The following OGFOD3 variants were observed in gnomAD, a reference collection of about 807,000 sequenced individuals.
OGFOD3 encodes the protein 2-oxoglutarate and iron-dependent oxygenase domain-containing protein 3.
In OGFOD3, 35 loss-of-function variants were observed where a neutral mutation model predicts 39.8. The ratio of observed to expected loss-of-function variants is 0.88; its 90% confidence interval spans 0.67 to 1.17. OGFOD3 has a LOEUF of 1.17. Among genes scored for constraint, OGFOD3 ranks in the 50% most tolerant of loss-of-function variants. OGFOD3 has a pLI of 0.00. For synonymous variants in OGFOD3, 200 were observed against 192.0 expected (o/e 1.04, Z -0.34); for missense variants, 438 against 454.5 (o/e 0.96, Z 0.33).
At chr17:82,397,194 TAA>T (rs1262450111) in intron 8 of OGFOD3, among the ~76,000 whole-genome samples, 3 of 151,758 alleles carry the variant, frequency 2.0e-5, no homozygotes, top group Non-Finnish European at 4.4e-5. Context: ...CTGGAGATCT[TAA>T]AAGAGATGAA....
intron 2 of OGFOD3, chr17:82,411,748 A>C (rs1160012935): frequency 1.8e-6 from 1 of 546,732 alleles, no homozygotes; most frequent in African/African-American, 1.9e-5. Context: ...CTGGAAATTT[A>C]ATCCAGAGGC....
At position 82,392,755 on chromosome 17, in the gene OGFOD3, C is replaced by CG; in HGVS notation, c.824-222dup. 1.7e-6 allele frequency: 1 copy of CG among 591,944 alleles called. No homozygotes were observed. The highest frequency in any genetic ancestry group is 2.2e-5 in the South Asian group (1 of 46,472). The allele number at this position is 591,944 out of a possible 1,614,324, so 36.7% of individuals were successfully genotyped here. ...GCCCTGTGGCGGAGGAGGGGCCCCCCGGGGCCAGCAGGGACTCTGTGGTGG... is the reference window on the plus strand; with the variant it reads ...GCCCTGTGGCGGAGGAGGGGCCCCCCGGGGGCCAGCAGGGACTCTGTGGTGG... On this transcript the variant is annotated intron_variant, in intron 8 of 8. Transcript: ENST00000313056. The surrounding 1 kb of genome is among the most constrained non-coding windows in gnomAD (Gnocchi z 4.2).
At chr17:82,395,534 C>A (rs181734581) in intron 8 of OGFOD3, among the ~76,000 whole-genome samples, 1 of 152,082 alleles carries the variant, frequency 6.6e-6, no homozygotes, top group African/African-American at 2.4e-5. Context: ...GTAAGAACTG[C>A]GACACGGCCG....
rs1439153385 is a variant in OGFOD3 at position 82,394,322 on chromosome 17, G to A, written c.824-1788C>T. 3.3e-6 allele frequency: 5 copies of A among 1,530,216 alleles called. No homozygotes were observed. The South Asian group carries it at 3.9e-5, about 12-fold the overall frequency. The allele number at this position is 1,530,216 out of a possible 1,614,324, so 94.8% of individuals were successfully genotyped here. A position where few individuals can be genotyped will look rare whatever the true frequency, so the allele number is the denominator to read the frequency against. On this transcript the variant is annotated intron_variant, in intron 8 of 8. Transcript: ENST00000313056. The stretch of plus-strand genomic sequence containing the variant: ...CACTTTCTTTAGTAAATGACTATTA[G>A]ATTATCACCTGCTTCCTTAAAGCAG...
At chr17:82,400,398 C>T (rs1204475970) in intron 7 of OGFOD3, among the ~76,000 whole-genome samples, 1 of 152,224 alleles carries the variant, frequency 6.6e-6, no homozygotes, top group Non-Finnish European at 1.5e-5. Flanking sequence ...GTGCGGACTG[C>T]ACTGCCTTCT....
rs1263149455 is a variant in OGFOD3, at chr17:82,406,521, C to A, written c.424-39G>T. ...TGTGGAGTAAAGCGTGCAGCCGCAG[C>A]AATGGCAATGGCTGTTAAAAGTCAT... On this transcript the variant is annotated intron_variant, in intron 4 of 8. Coordinates refer to ENST00000313056, the MANE Select transcript of OGFOD3 (RefSeq NM_024648.3). This position sits in a 1 kb window ranked among gnomAD's most constrained non-coding sequence, Gnocchi z 5.2. 3 of 1,537,884 alleles carry A rather than the reference C, an allele frequency of 2.0e-6. No individual in the cohort carries two copies. Among genetic ancestry groups the A allele is most frequent in the Non-Finnish European group, 2.7e-6 (3 of 1,110,754 alleles).
In OGFOD3 at chr17:82,403,927, G is replaced by A; in HGVS notation, c.699+10C>T. ...ACGGGCACGCTCACCCTGCCCACGG[G>A]CGCGCTCACCTTGTCCACGTGCGCA... On this transcript the variant is annotated intron_variant, in intron 7 of 8. Transcript: ENST00000313056. 1 of 1,596,104 alleles carries A rather than the reference G, an allele frequency of 6.3e-7. No individual in the cohort carries two copies. Among genetic ancestry groups the A allele is most frequent in the Non-Finnish European group, 8.5e-7 (1 of 1,174,578 alleles).
At chr17:82,410,198 G>C (rs2052921006) in intron 3 of OGFOD3, among the ~76,000 whole-genome samples, 1 of 152,212 alleles carries the variant, frequency 6.6e-6, no homozygotes, top group Non-Finnish European at 1.5e-5. Flanking sequence ...TGGACACCAA[G>C]TGGGGACACG....
Position 82,403,976 on chromosome 17 carries a change from C to G in OGFOD3, c.660G>C (p.Arg220=). The change falls in exon 7 of 9, where the codon CGG becomes CGC. Residue 220 remains arginine (R), a synonymous_variant. Coordinates refer to ENST00000313056, the MANE Select transcript of OGFOD3 (RefSeq NM_024648.3). ...CATGCCAGTACTCGTCGTGCGCCGT[C>G]CGCGCTTCCGTGCTGTTTATGCGGG... The part of the protein sequence containing the change: ...FFSRINSTEA[R]TAHDEYWHAH... 2 of 1,609,396 alleles carry G rather than the reference C, an allele frequency of 1.2e-6. No individual in the cohort carries two copies. Among genetic ancestry groups the G allele is most frequent in the Middle Eastern group, 1.7e-4 (1 of 6,042 alleles).
At chr17:82,418,369 T>C (rs1012273028) in intron 1 of OGFOD3, 43 bp downstream of exon 1, 3 of 1,251,666 alleles carry the variant, frequency 2.4e-6, no homozygotes, top group Admixed American at 2.6e-5. Flanking sequence ...TCCATGGCCC[T>C]GTCCGCCGCC....
rs770065775 is a variant in OGFOD3, at chr17:82,404,031, G to A, written c.605C>T (p.Ser202Leu). The A allele has an allele frequency of 6.8e-6, 11 of 1,610,354 alleles. No individual in the cohort carries two copies. In the East Asian group the frequency reaches 8.9e-5, roughly 13 times the overall value. The change falls in exon 7 of 9, where the codon TCG becomes TTG. Residue 202 changes from serine to leucine, a missense_variant. Physicochemically the swap from Ser to Leu is moderately radical, Grantham distance 145. Coordinates refer to ENST00000313056, the MANE Select transcript of OGFOD3 (RefSeq NM_024648.3). The surrounding 1 kb of genome is among the most constrained non-coding windows in gnomAD (Gnocchi z 4.5). Reference sequence around the variant, plus strand: ...GAAGGTGGGCTTGGTCAGATGCAGCGAGGATGCGCTGATGCCAAAAGCCTC... The same window carrying A: ...GAAGGTGGGCTTGGTCAGATGCAGCAAGGATGCGCTGATGCCAAAAGCCTC... ...IAEAFGISAS[S>L]LHLTKPTFFS...
At position 82,405,323 on chromosome 17, in the gene OGFOD3, C is replaced by T. The variant is rs200941167; in HGVS notation, c.545+1G>A. 3.1e-6 allele frequency: 5 copies of T among 1,610,770 alleles called. No homozygotes were observed. The highest frequency in any genetic ancestry group is 2.2e-5 in the East Asian group (1 of 44,844). On this transcript the variant is annotated splice_donor_variant, in intron 6 of 8. Coordinates refer to ENST00000313056, the MANE Select transcript of OGFOD3 (RefSeq NM_024648.3). LOFTEE classifies it high-confidence loss of function. ...CCCCCACCCGCCTCACTCCTCCTTACCGGTATAACCGGAAGTCCTCCTCTG... is the reference window on the plus strand; with the variant it reads ...CCCCCACCCGCCTCACTCCTCCTTATCGGTATAACCGGAAGTCCTCCTCTG...
intron 1 of OGFOD3, among the ~76,000 whole-genome samples, chr17:82,417,825 A>G (rs1395808264): frequency 4.6e-5 from 7 of 152,244 alleles, no homozygotes; most frequent in African/African-American, 1.2e-4. Flanking sequence ...TCGTCAATAG[A>G]GGGGAATTGG....
Position 82,415,343 on chromosome 17 carries a change from CA to C in OGFOD3, c.304+54del, listed in dbSNP as rs572755989. 5.2e-5 allele frequency: 80 copies of C among 1,541,456 alleles called. 1 individual carries two copies. The South Asian group carries it at 8.3e-4, about 16-fold the overall frequency. The stretch of plus-strand genomic sequence containing the variant: ...CCAATTCCCACCCCTTCGTCGCAGC[CA>C]ATGTCCTTTAACCACACTGAGTCTC... On this transcript the variant is annotated intron_variant, in intron 2 of 8. Transcript: ENST00000313056. This position sits in a 1 kb window ranked among gnomAD's most constrained non-coding sequence, Gnocchi z 5.3.
intron 8 of OGFOD3, among the ~76,000 whole-genome samples, chr17:82,397,355 A>G (rs7502782): frequency 0.58 from 63,502 of 110,052 alleles, 16,742 homozygotes; most frequent in South Asian, 0.71. Context: ...GGGGACGGGT[A>G]AGGTAGTGGG....
rs553756684 is a variant in OGFOD3 at position 82,404,441 on chromosome 17, C to T, written c.546-351G>A. 1.5e-4 allele frequency among the ~76,000 whole-genome samples: 23 copies of T among 152,292 alleles called. 1 individual carries two copies. The South Asian group carries it at 4.8e-3, about 32-fold the overall frequency. ...TGGAGCCCAGCCTCCTATTCAGCAA[C>T]GAAGAGGCTGCTGTCCCCCAACGTG... On this transcript the variant is annotated intron_variant, in intron 6 of 8. Transcript: ENST00000313056. The surrounding 1 kb of genome is among the most constrained non-coding windows in gnomAD (Gnocchi z 4.5).
chr17:82,415,711 A>G lies in OGFOD3; in HGVS notation c.75-84T>C. Reference sequence around the variant, plus strand: ...CCCCGATCATCAAAGTGCATGCACCATGACCCGGCCTTCACTCACACGTCA... The same window carrying G: ...CCCCGATCATCAAAGTGCATGCACCGTGACCCGGCCTTCACTCACACGTCA... On this transcript the variant is annotated intron_variant, in intron 1 of 8. Coordinates refer to ENST00000313056, the MANE Select transcript of OGFOD3 (RefSeq NM_024648.3). This position sits in a 1 kb window ranked among gnomAD's most constrained non-coding sequence, Gnocchi z 5.3. 8.1e-7 allele frequency: 1 copy of G among 1,235,060 alleles called. No individual in the cohort carries two copies. Among genetic ancestry groups the G allele is most frequent in the Non-Finnish European group, 1.1e-6 (1 of 892,878 alleles). The allele number at this position is 1,235,060 out of a possible 1,614,324, so 76.5% of individuals were successfully genotyped here. A position where few individuals can be genotyped will look rare whatever the true frequency, so the allele number is the denominator to read the frequency against.
chr17:82,418,430 T>C lies in OGFOD3; in HGVS notation c.56A>G (p.Glu19Gly). Residue 19 changes from glutamate to glycine, a missense_variant, in exon 1 of 9, where the codon GAG becomes GGG. Transcript: ENST00000313056. ...CCGCTACCTGCTCCGGTTCCGGCGC[T>C]CGGCCGCTCCGTTGCCCTCGGGCGC... ...TKAPEGNGAA[E>G]RRNRSSTKKD... 6.8e-7 allele frequency: 1 copy of C among 1,478,772 alleles called. No homozygotes were observed. The highest frequency in any genetic ancestry group is 8.9e-7 in the Non-Finnish European group (1 of 1,120,746). The allele number at this position is 1,478,772 out of a possible 1,614,324, so 91.6% of individuals were successfully genotyped here.
Position 82,415,141 on chromosome 17 carries a change from C to T in OGFOD3, c.304+257G>A, listed in dbSNP as rs368391485. Reference sequence around the variant, plus strand: ...CTTTCTGGTTTTGACTTTCTCATCCCTATCTTTCCAAGGCAAACCATCTCC... The same window carrying T: ...CTTTCTGGTTTTGACTTTCTCATCCTTATCTTTCCAAGGCAAACCATCTCC... On this transcript the variant is annotated intron_variant, in intron 2 of 8. Transcript: ENST00000313056. The surrounding 1 kb of genome is among the most constrained non-coding windows in gnomAD (Gnocchi z 5.3). Among the ~76,000 whole-genome samples, 344 of 152,314 alleles carry T rather than the reference C, an allele frequency of 2.3e-3. 3 individuals carry two copies. Among genetic ancestry groups the T allele is most frequent in the African/African-American group, 7.7e-3 (319 of 41,570 alleles).
Sources: allele counts gnomAD v4.1 joint callset (sites outside exome capture counted in the v4.1 genomes callset), GRCh38; gene constraint gnomAD v4.1.1; non-coding constraint Gnocchi (gnomAD v3.1); transcripts MANE v1.5; gene names NCBI Gene and HGNC (gene_info 2026-07-23, HGNC 2026-07-21).